The following MYO9A variants were observed in gnomAD, a reference collection of about 807,000 sequenced individuals.
MYO9A encodes the protein myosin IXA.
MYO9A carries 103 observed loss-of-function variants against 293.3 expected under a neutral mutation model. That is an observed-to-expected ratio of 0.35 (90% CI 0.30 to 0.41). MYO9A has a LOEUF of 0.41. Among genes scored for constraint, MYO9A ranks in the 10% least tolerant of loss-of-function variants. The pLI, the probability that MYO9A is intolerant of heterozygous loss-of-function variation, is 1.00. For missense variants in MYO9A, 2,685 were observed against 3,033.0 expected (o/e 0.89, Z 2.69); for synonymous variants, 1,001 against 1,035.7 (o/e 0.97, Z 0.64).
intron 30 of MYO9A, 94 bp from the exon 31 acceptor site, chr15:71,878,325 T>A: frequency 2.3e-6 from 2 of 859,966 alleles, no homozygotes; most frequent in Non-Finnish European, 3.3e-6. Flanking sequence ...GTATTTAGAA[T>A]AAAGATTAGG....
chr15:72,026,673 G>C (rs183353254), intron 4 of MYO9A, among the ~76,000 whole-genome samples: 1 of 152,134 alleles, frequency 6.6e-6, no homozygotes, highest in Non-Finnish European at 1.5e-5. Context: ...TCTTTGAAAA[G>C]ATCTTCAAAA....
chr15:71,869,769 A>G (rs1311937184), intron 32 of MYO9A, among the ~76,000 whole-genome samples: 2 of 152,200 alleles, frequency 1.3e-5, no homozygotes, highest in African/African-American at 4.8e-5. Flanking sequence ...GGTAGAGAGT[A>G]ATGAAAAATA....
At chr15:72,097,461 AG>A (rs2080100724) in intron 1 of MYO9A, among the ~76,000 whole-genome samples, 1 of 152,250 alleles carries the variant, frequency 6.6e-6, no homozygotes, top group Admixed American at 6.5e-5. Context: ...AATAGACTAT[AG>A]TACAGTATAA....
At chr15:71,941,683 G>T (rs1340626800) in intron 15 of MYO9A, among the ~76,000 whole-genome samples, 1 of 151,900 alleles carries the variant, frequency 6.6e-6, no homozygotes, top group African/African-American at 2.4e-5. Flanking sequence ...AAATCCCAAA[G>T]AAAATTAATA....
chr15:71,974,421 G>C (rs552941745), intron 12 of MYO9A, among the ~76,000 whole-genome samples: 38 of 152,226 alleles, frequency 2.5e-4, no homozygotes, highest in Non-Finnish European at 8.8e-5. Flanking sequence ...CTGGGAAAGA[G>C]GCGGTTGGGG....
chr15:71,840,281 T>G (rs1377096735), intron 39 of MYO9A, among the ~76,000 whole-genome samples: 1 of 152,250 alleles, frequency 6.6e-6, no homozygotes, highest in South Asian at 2.1e-4. Context: ...CCATTGGATG[T>G]GGAGTCCTTT....
intron 1 of MYO9A, among the ~76,000 whole-genome samples, chr15:72,109,168 A>G (rs2080684425): frequency 1.3e-5 from 2 of 151,882 alleles, no homozygotes; most frequent in Admixed American, 1.3e-4. Context: ...CAGCAGGCAG[A>G]TCATGAGGTC....
chr15:71,934,771 T>C (rs1303904513), intron 17 of MYO9A, among the ~76,000 whole-genome samples: 3 of 147,794 alleles, frequency 2.0e-5, no homozygotes, highest in Middle Eastern at 3.5e-3. Flanking sequence ...TGGCTAATTT[T>C]TTTTCTTTTC....
intron 14 of MYO9A, chr15:71,959,319 A>T (rs2059271779): frequency 6.6e-6 from 1 of 152,334 alleles, no homozygotes; most frequent in Non-Finnish European, 1.5e-5. Flanking sequence ...CTACTAGTGC[A>T]CATCCCAAAA....
chr15:71,918,492 G>A (rs1298461263), intron 18 of MYO9A, among the ~76,000 whole-genome samples: 1 of 151,532 alleles, frequency 6.6e-6, no homozygotes, highest in African/African-American at 2.4e-5. Flanking sequence ...AAGCACTATT[G>A]ATCAAAAAAA....
chr15:71,834,654 G>A (rs1250244251), intron 39 of MYO9A, among the ~76,000 whole-genome samples: 1 of 151,860 alleles, frequency 6.6e-6, no homozygotes, highest in Admixed American at 6.6e-5. Flanking sequence ...GCACGTGCCT[G>A]TAGTTCCACC....
chr15:72,018,985 G>T, intron 6 of MYO9A, 54 bp downstream of exon 6: 1 of 1,385,684 alleles, frequency 7.2e-7, no homozygotes, highest in Non-Finnish European at 1.0e-6. Flanking sequence ...ATGCAAATGC[G>T]CAATGTGAGG....
At chr15:72,068,420 T>C (rs1035375858) in intron 1 of MYO9A, among the ~76,000 whole-genome samples, 1 of 152,106 alleles carries the variant, frequency 6.6e-6, no homozygotes, top group Non-Finnish European at 1.5e-5. Flanking sequence ...ACTAATGCCA[T>C]AGATGTGATG....
chr15:72,082,499 T>C (rs1353365041), intron 1 of MYO9A, among the ~76,000 whole-genome samples: 2 of 152,192 alleles, frequency 1.3e-5, no homozygotes, highest in African/African-American at 2.4e-5. Flanking sequence ...CAGGGATAGT[T>C]TGACTTCCTC....
chr15:72,001,680 A>G (rs1449988465), intron 8 of MYO9A, among the ~76,000 whole-genome samples: 1 of 152,174 alleles, frequency 6.6e-6, no homozygotes, highest in African/African-American at 2.4e-5. Flanking sequence ...ACTTTTAACC[A>G]TACTGAATGG....
intron 1 of MYO9A, among the ~76,000 whole-genome samples, chr15:72,071,744 G>C (rs1218431971): frequency 6.8e-6 from 1 of 146,768 alleles, no homozygotes; most frequent in Admixed American, 6.8e-5. Flanking sequence ...GACACAGCGA[G>C]ACTCCATCTC....
At position 71,826,976 on chromosome 15, in the gene MYO9A, C is replaced by G; in HGVS notation, c.7251G>C (p.Lys2417Asn). 1 of 1,613,406 alleles carries G rather than the reference C, an allele frequency of 6.2e-7. No individual in the cohort carries two copies. The highest frequency in any genetic ancestry group is 8.5e-7 in the Non-Finnish European group (1 of 1,179,750). ...AAGAGTCTTGCTGCTTTTTAAGTTG[C>G]TTTCGCAACTTGCTGGAAGGTTCAG... is the stretch of plus-strand genomic sequence containing the variant. The part of the protein sequence containing the change: ...GKSEPSSKLR[K>N]QLKKQQDSLD... The change falls in exon 42 of 42, where the codon AAG becomes AAC. Residue 2417 changes from lysine to asparagine, a missense_variant. Coordinates refer to ENST00000356056, the MANE Select transcript of MYO9A (RefSeq NM_006901.4).
intron 6 of MYO9A, among the ~76,000 whole-genome samples, chr15:72,015,496 C>G (rs1454467973): frequency 6.6e-6 from 1 of 152,118 alleles, no homozygotes; most frequent in Non-Finnish European, 1.5e-5. Context: ...GGAGCTTTGT[C>G]TCCACAGAAT....
intron 15 of MYO9A, 178 bp downstream of exon 15, chr15:71,951,597 GTA>G: frequency 3.4e-6 from 2 of 583,318 alleles, no homozygotes; most frequent in East Asian, 6.1e-5. Flanking sequence ...AGTTAAAAAA[GTA>G]TATCAGTATT....
Sources: gnomAD v4.1 joint callset for allele counts (sites outside exome capture counted in the v4.1 genomes callset) on GRCh38, gnomAD v4.1.1 for gene constraint, MANE v1.5 for transcripts, NCBI Gene and HGNC (gene_info 2026-07-23, HGNC 2026-07-21) for gene names.